The following SLC22A15 variants were observed in gnomAD, a reference collection of about 807,000 sequenced individuals.
SLC22A15 encodes solute carrier family 22 member 15.
A neutral mutation model predicts 62.7 loss-of-function variants in SLC22A15; 45 were observed. The observed-to-expected ratio is 0.72, with a 90% CI of 0.56 to 0.92. SLC22A15 has a LOEUF of 0.92. SLC22A15 is among the 40% of genes least tolerant of loss of function. The pLI is 0.00. For missense variants in SLC22A15, 622 were observed against 665.6 expected (o/e 0.93, Z 0.72); for synonymous variants, 264 against 267.0 (o/e 0.99, Z 0.11).
chr1:116,026,999 A>T lies in SLC22A15; in HGVS notation c.705A>T (p.Gly235=). The T allele has an allele frequency of 1.2e-6, 2 of 1,613,768 alleles. No homozygotes were observed. Among genetic ancestry groups the T allele is most frequent in the Non-Finnish European group, 1.7e-6 (2 of 1,179,786 alleles). ...TAGCCATTCTGGTTAACCTGCAGGG[A>T]ACGGTGGTCTTTCTCTTATCTTTGT... is the stretch of plus-strand genomic sequence containing the variant. ...RTLAILVNLQ[G]TVVFLLSLFI... The change falls in exon 5 of 12, where the codon GGA becomes GGT. Residue 235 remains glycine (G), a synonymous_variant. Coordinates refer to ENST00000369503, the MANE Select transcript of SLC22A15 (RefSeq NM_018420.3).
chr1:115,981,121 T>C (rs1654589463), intron 1 of SLC22A15, among the ~76,000 whole-genome samples: 1 of 152,164 alleles, frequency 6.6e-6, no homozygotes, highest in African/African-American at 2.4e-5. Flanking sequence ...TTAGGTCTGA[T>C]GAGATATGGC....
In SLC22A15 at chr1:115,996,668, G is replaced by A. The variant is rs1203903870; in HGVS notation, c.300+4425G>A. On this transcript the variant is annotated intron_variant, in intron 2 of 11. Coordinates refer to ENST00000369503, the MANE Select transcript of SLC22A15 (RefSeq NM_018420.3). The stretch of plus-strand genomic sequence containing the variant: ...TTTATTGCTAGTATAGATAAATATT[G>A]TACAATTCATTTTTATATGTTAATC... Among the ~76,000 whole-genome samples, 4 of 147,416 alleles carry A rather than the reference G, an allele frequency of 2.7e-5. No individual in the cohort carries two copies. In the East Asian group the frequency reaches 7.9e-4, roughly 29 times the overall value.
At chr1:116,056,904 T>G (rs945150473) in intron 8 of SLC22A15, among the ~76,000 whole-genome samples, 17 of 152,096 alleles carry the variant, frequency 1.1e-4, no homozygotes, top group Non-Finnish European at 2.2e-4. Context: ...CAAAAATTAA[T>G]TCAAGATGGA....
intron 8 of SLC22A15, among the ~76,000 whole-genome samples, chr1:116,051,624 T>C (rs937972024): frequency 6.6e-6 from 1 of 152,134 alleles, no homozygotes; most frequent in Non-Finnish European, 1.5e-5. Context: ...AAGATAACCT[T>C]GGAAAAACCC....
chr1:116,045,299 G>A (rs980489029), intron 8 of SLC22A15, among the ~76,000 whole-genome samples: 1 of 151,704 alleles, frequency 6.6e-6, no homozygotes, highest in Non-Finnish European at 1.5e-5. Context: ...TGCCCACCTC[G>A]GCCTCCCAAA....
chr1:116,061,197 G>T (rs1020895053), intron 8 of SLC22A15, among the ~76,000 whole-genome samples: 3 of 152,216 alleles, frequency 2.0e-5, no homozygotes, highest in South Asian at 2.1e-4. Context: ...GAGAGAACTC[G>T]AAATCCCAAT....
At chr1:115,995,059 T>G in intron 2 of SLC22A15, among the ~76,000 whole-genome samples, 1 of 152,190 alleles carries the variant, frequency 6.6e-6, no homozygotes, top group African/African-American at 2.4e-5. Flanking sequence ...GTTCTTCATT[T>G]TGGATCTGTC....
At chr1:116,009,705 C>G (rs1336523333) in intron 2 of SLC22A15, among the ~76,000 whole-genome samples, 1 of 152,170 alleles carries the variant, frequency 6.6e-6, no homozygotes, top group East Asian at 1.9e-4. Context: ...CTGCAAATCT[C>G]TAAAGGAGTA....
intron 2 of SLC22A15, among the ~76,000 whole-genome samples, chr1:115,992,550 T>C (rs1655203061): frequency 6.6e-6 from 1 of 152,140 alleles, no homozygotes; most frequent in Non-Finnish European, 1.5e-5. Flanking sequence ...AATCTCTCTT[T>C]ATTAAATATG....
chr1:116,069,183 C>T lies in SLC22A15; in HGVS notation c.*2075C>T, dbSNP rs867699995. The T allele has an allele frequency of 6.6e-6, 1 of 152,168 alleles. No homozygotes were observed. The highest frequency in any genetic ancestry group is 1.5e-5 in the Non-Finnish European group (1 of 68,038). The allele number at this position is 152,168 out of a possible 1,614,324, so 9.4% of individuals were successfully genotyped here. On this transcript the variant is annotated 3_prime_UTR_variant, in exon 12 of 12. Transcript: ENST00000369503. ...AGATCTACAATTTGAATATGTGTTA[C>T]TTAATAAGGCTAGGCTGGCCATCAG... is the stretch of plus-strand genomic sequence containing the variant.
intron 2 of SLC22A15, among the ~76,000 whole-genome samples, chr1:116,016,125 C>A (rs924779148): frequency 1.4e-5 from 2 of 145,200 alleles, no homozygotes; most frequent in South Asian, 4.4e-4. Context: ...TCTCTCTTTT[C>A]TTCTCTCCTT....
chr1:116,065,058 C>A (rs1658464364), intron 10 of SLC22A15, among the ~76,000 whole-genome samples: 1 of 151,974 alleles, frequency 6.6e-6, no homozygotes, highest in South Asian at 2.1e-4. Flanking sequence ...GAAAGGGAAC[C>A]AGATTAAATG....
chr1:116,037,477 C>T, intron 8 of SLC22A15, 89 bp downstream of exon 8: 1 of 967,562 alleles, frequency 1.0e-6, no homozygotes. Flanking sequence ...ATATGGCATG[C>T]TTCATTTCTG....
At position 116,067,002 on chromosome 1, in the gene SLC22A15, C is replaced by T; in HGVS notation, c.1555-17C>T. ...CATAACATCATTTCACTGCCCTTTT[C>T]TTCTTTCCTGTTTCAGTGTGTGGAC... On this transcript the variant is annotated splice_polypyrimidine_tract_variant and intron_variant, in intron 11 of 11. Transcript: ENST00000369503. The T allele has an allele frequency of 2.5e-6, 4 of 1,600,680 alleles. No homozygotes were observed. The highest frequency in any genetic ancestry group is 3.4e-6 in the Non-Finnish European group (4 of 1,170,694).
chr1:115,981,880 T>C (rs1376433122), intron 1 of SLC22A15, among the ~76,000 whole-genome samples: 1 of 152,180 alleles, frequency 6.6e-6, no homozygotes, highest in East Asian at 1.9e-4. Flanking sequence ...ACAGGCAATG[T>C]GAATATGGCA....
At chr1:116,053,020 GCAGTTCCTCAC>G (rs1361087378) in intron 8 of SLC22A15, among the ~76,000 whole-genome samples, 12 of 152,218 alleles carry the variant, frequency 7.9e-5, no homozygotes, top group African/African-American at 2.2e-4. Context: ...CCAAAGGAAC[GCAGTTCCTCAC>G]CAGCAACAGA....
intron 2 of SLC22A15, among the ~76,000 whole-genome samples, chr1:115,998,481 A>G (rs1029985155): frequency 1.3e-5 from 2 of 152,116 alleles, no homozygotes; most frequent in African/African-American, 4.8e-5. Flanking sequence ...TTATTGATCT[A>G]TTTAGGCTTT....
chr1:115,994,442 C>T (rs1224030548), intron 2 of SLC22A15, among the ~76,000 whole-genome samples: 5 of 152,114 alleles, frequency 3.3e-5, no homozygotes, highest in Non-Finnish European at 4.4e-5. Flanking sequence ...AGCCTGTGCT[C>T]TTAATTATTG....
chr1:115,981,301 G>C (rs998465828), intron 1 of SLC22A15, among the ~76,000 whole-genome samples: 21 of 152,226 alleles, frequency 1.4e-4, no homozygotes, highest in African/African-American at 5.1e-4. Context: ...GTCTTACTAA[G>C]ACCCTTTCAT....
Sources: gnomAD v4.1 joint callset for allele counts (sites outside exome capture counted in the v4.1 genomes callset) on GRCh38, gnomAD v4.1.1 for gene constraint, MANE v1.5 for transcripts, NCBI Gene and HGNC (gene_info 2026-07-23, HGNC 2026-07-21) for gene names.